The following EVL variants were observed in gnomAD, a reference collection of about 807,000 sequenced individuals.
EVL encodes Enah/Vasp-like, also known as ena/VASP-like protein.
A neutral mutation model predicts 59.6 loss-of-function variants in EVL; 21 were observed. The ratio of observed to expected loss-of-function variants is 0.35; its 90% CI spans 0.25 to 0.51. The LOEUF is 0.51. Among genes scored for constraint, EVL ranks in the 20% least tolerant of loss-of-function variants. The pLI is 0.97. For missense variants in EVL, 462 were observed against 546.6 expected (o/e 0.85, Z 1.54); for synonymous variants, 198 against 203.5 (o/e 0.97, Z 0.23).
chr14:100,028,588 G>A lies in EVL; in HGVS notation c.6-56099G>A, dbSNP rs187369734. 3.7e-4 allele frequency among the ~76,000 whole-genome samples: 56 copies of A among 152,256 alleles called. 1 individual carries two copies. In the South Asian group the frequency reaches 0.011, roughly 29 times the overall value. Reference sequence around the variant, plus strand: ...AGCACTTTGGGAGGCTGAGGCGGGTGGATCATGAGGTCAAGAGATCAGCGC... The same window carrying A: ...AGCACTTTGGGAGGCTGAGGCGGGTAGATCATGAGGTCAAGAGATCAGCGC... On this transcript the variant is annotated intron_variant, in intron 1 of 13. Coordinates refer to the EVL transcript ENST00000402714.
chr14:100,052,570 G>A (rs1197203675), intron 1 of EVL, among the ~76,000 whole-genome samples: 1 of 151,946 alleles, frequency 6.6e-6, no homozygotes, highest in African/African-American at 2.4e-5. Flanking sequence ...TGGGCAACAT[G>A]GTGAAACCCT....
chr14:100,065,647 G>A, intron 1 of EVL, 136 bp downstream of exon 1: 1 of 423,426 alleles, frequency 2.4e-6, no homozygotes, highest in Admixed American at 4.5e-5. Flanking sequence ...GAGGGCAGGG[G>A]GCTTACATGA....
intron 2 of EVL, among the ~76,000 whole-genome samples, chr14:100,096,744 C>G (rs966921129): frequency 1.4e-4 from 21 of 152,226 alleles, no homozygotes; most frequent in African/African-American, 5.1e-4. Flanking sequence ...AGAGGTCAGG[C>G]AGACCTGGTG....
Position 100,137,807 on chromosome 14 carries a change from C to G in EVL, c.1094+5C>G, listed in dbSNP as rs767115853. ...TCAGTCGCAGCCTCACTCTAGGTAC[C>G]GAACAACCCTCCTGCTCACATGTCC... On this transcript the variant is annotated splice_donor_5th_base_variant and intron_variant, in intron 11 of 13. Transcript: ENST00000392920. 1.2e-6 allele frequency: 2 copies of G among 1,614,002 alleles called. No individual in the cohort carries two copies. Among genetic ancestry groups the G allele is most frequent in the South Asian group, 1.1e-5 (1 of 91,084 alleles).
At chr14:100,065,563 G>A in intron 1 of EVL, 52 bp downstream of exon 1, 4 of 1,139,706 alleles carry the variant, frequency 3.5e-6, no homozygotes, top group Non-Finnish European at 4.9e-6. Context: ...AGGAAACCTA[G>A]AATCTTAACG....
At chr14:99,989,828 T>C (rs2060863936) in intron 1 of EVL, among the ~76,000 whole-genome samples, 1 of 152,230 alleles carries the variant, frequency 6.6e-6, no homozygotes, top group Non-Finnish European at 1.5e-5. Context: ...AGCTGTTATC[T>C]GTGGCAGGCG....
intron 2 of EVL, among the ~76,000 whole-genome samples, chr14:100,087,457 AT>A (rs1279498869): frequency 6.6e-6 from 1 of 152,154 alleles, no homozygotes; most frequent in Non-Finnish European, 1.5e-5. Flanking sequence ...CTATAAAAAA[AT>A]ATATAAATTA....
chr14:100,122,039 A>C (rs983257742), intron 3 of EVL, among the ~76,000 whole-genome samples: 1 of 152,212 alleles, frequency 6.6e-6, no homozygotes, highest in Non-Finnish European at 1.5e-5. Context: ...CAGAGCCCAA[A>C]GCCTGTGCCA....
At chr14:100,022,632 T>G (rs2061145567) in intron 1 of EVL, among the ~76,000 whole-genome samples, 1 of 152,162 alleles carries the variant, frequency 6.6e-6, no homozygotes, top group Admixed American at 6.5e-5. Context: ...TGCATTTACT[T>G]ATTGGACTAT....
intron 1 of EVL, among the ~76,000 whole-genome samples, chr14:100,028,691 G>A (rs929279189): frequency 6.6e-6 from 1 of 152,096 alleles, no homozygotes; most frequent in Non-Finnish European, 1.5e-5. Context: ...CGCACCTGTA[G>A]TCCCAGCTAC....
chr14:100,136,912 G>A (rs1888830439), intron 9 of EVL, among the ~76,000 whole-genome samples: 1 of 152,132 alleles, frequency 6.6e-6, no homozygotes, highest in Non-Finnish European at 1.5e-5. Context: ...TCTAGTGCCT[G>A]CAGGCCCAGC....
intron 1 of EVL, among the ~76,000 whole-genome samples, chr14:100,039,753 G>C (rs1295638540): frequency 1.3e-5 from 2 of 152,130 alleles, no homozygotes; most frequent in Non-Finnish European, 2.9e-5. Context: ...TCTCTGGCTT[G>C]TGTGTCTGGG....
chr14:100,037,513 C>T (rs530972753), intron 1 of EVL, among the ~76,000 whole-genome samples: 2 of 152,240 alleles, frequency 1.3e-5, no homozygotes, highest in Non-Finnish European at 2.9e-5. Context: ...TTTGTCAGTC[C>T]CTGCCTTCTA....
chr14:100,132,850 T>G, intron 8 of EVL, 71 bp downstream of exon 8: 3 of 1,558,420 alleles, frequency 1.9e-6, no homozygotes, highest in Non-Finnish European at 2.6e-6. Context: ...GGCTCTCTGG[T>G]CTCAGGCGAG....
At position 100,125,253 on chromosome 14, in the gene EVL, TACACACACAC is replaced by T. The variant is rs34556561; in HGVS notation, c.423-1423_423-1414del. On this transcript the variant is annotated intron_variant, in intron 4 of 13. Coordinates refer to ENST00000392920, the MANE Select transcript of EVL (RefSeq NM_016337.3). ...ACACACACCTGCCCCAAGGCAGGAATACACACACACACACACACACACACACACACACACA... is the reference window on the plus strand; with the variant it reads ...ACACACACCTGCCCCAAGGCAGGAATACACACACACACACACACACACACA... Among the ~76,000 whole-genome samples the T allele has an allele frequency of 7.3e-3, 872 of 119,602 alleles. 25 individuals carry two copies. The highest frequency in any genetic ancestry group is 0.023 in the African/African-American group (663 of 28,894). The allele number at this position is 119,602 out of a possible 152,430, so 78.5% of individuals were successfully genotyped here.
At chr14:100,083,071 T>C (rs115718443) in intron 1 of EVL, among the ~76,000 whole-genome samples, 1,861 of 152,242 alleles carry the variant, frequency 0.012, 48 homozygotes, top group African/African-American at 0.042. Flanking sequence ...CAGAATCATC[T>C]CAAGGGCTCT....
chr14:100,025,725 C>CA (rs771709272), intron 1 of EVL, among the ~76,000 whole-genome samples: 5 of 151,978 alleles, frequency 3.3e-5, no homozygotes, highest in Non-Finnish European at 5.9e-5. Context: ...GTCAAGAGTT[C>CA]AAGACCAGCC....
chr14:100,048,273 A>C (rs1410247776), intron 1 of EVL, among the ~76,000 whole-genome samples: 2 of 152,228 alleles, frequency 1.3e-5, no homozygotes, highest in African/African-American at 4.8e-5. Flanking sequence ...TGTCTTTGGA[A>C]TATATAAAGA....
intron 1 of EVL, among the ~76,000 whole-genome samples, chr14:100,026,067 A>G (rs2061205660): frequency 6.6e-6 from 1 of 152,010 alleles, no homozygotes; most frequent in South Asian, 2.1e-4. Context: ...CCTGGGTAAC[A>G]TGGCGAAACC....
Sources: allele counts gnomAD v4.1 joint callset (sites outside exome capture counted in the v4.1 genomes callset), GRCh38; gene constraint gnomAD v4.1.1; transcripts MANE v1.5; gene names NCBI Gene and HGNC (gene_info 2026-07-23, HGNC 2026-07-21).